BUB1: variants seen among roughly 807,000 people sequenced by gnomAD.
BUB1 encodes BUB1 mitotic checkpoint serine/threonine kinase.
Under a neutral mutation model 135.2 loss-of-function variants are expected in BUB1, and 84 were observed. That is an observed-to-expected ratio of 0.62 (90% CI 0.52 to 0.74). The LOEUF is 0.74. BUB1 is among the 30% of genes least tolerant of loss of function. The pLI, the probability that BUB1 is intolerant of heterozygous loss-of-function variation, is 0.00. For missense variants in BUB1, 1,162 were observed against 1,288.3 expected (o/e 0.90, Z 1.50); for synonymous variants, 403 against 434.4 (o/e 0.93, Z 0.90).
chr2:110,655,970 GA>G, intron 15 of BUB1, 54 bp from the exon 16 acceptor site: 1 of 1,524,716 alleles, frequency 6.6e-7, no homozygotes, highest in South Asian at 1.1e-5. Context: ...TTTAGTCCAT[GA>G]AACCTTATTC....
At chr2:110,658,217 T>C (rs527965328) in intron 13 of BUB1, among the ~76,000 whole-genome samples, 193 bp downstream of exon 13, 37 of 151,756 alleles carry the variant, frequency 2.4e-4, no homozygotes, top group South Asian at 1.3e-3. Flanking sequence ...TTTTTTTTTT[T>C]CCCTTTAATC....
In BUB1 at chr2:110,658,924, G is replaced by A. The variant is rs368913339; in HGVS notation, c.1277-182C>T. Reference sequence around the variant, plus strand: ...TTTATCTTTATAATAGTCCTATGAAGTAAATGAGGTGAAAATTATCCTTTT... The same window carrying A: ...TTTATCTTTATAATAGTCCTATGAAATAAATGAGGTGAAAATTATCCTTTT... On this transcript the variant is annotated intron_variant, in intron 11 of 24. Transcript: ENST00000302759. Among the ~76,000 whole-genome samples the A allele has an allele frequency of 3.9e-5, 6 of 152,284 alleles. No individual in the cohort carries two copies. In the East Asian group the frequency reaches 7.7e-4, roughly 20 times the overall value.
intron 1 of BUB1, among the ~76,000 whole-genome samples, chr2:110,675,871 G>C (rs1164723578): frequency 6.6e-6 from 1 of 152,090 alleles, no homozygotes; most frequent in African/African-American, 2.4e-5. Context: ...GGCTGGTCTT[G>C]AACTCCTGGC....
Position 110,667,792 on chromosome 2 carries a change from C to G in BUB1, c.620+5G>C. 1 of 1,613,094 alleles carries G rather than the reference C, an allele frequency of 6.2e-7. No homozygotes were observed. Among genetic ancestry groups the G allele is most frequent in the Non-Finnish European group, 8.5e-7 (1 of 1,179,608 alleles). ...ATAATAGATTAATGCACTGATTATA[C>G]TTGCATATTTGACTCTTTATCACAA... On this transcript the variant is annotated splice_donor_5th_base_variant and intron_variant, in intron 7 of 24. Transcript: ENST00000302759.
At chr2:110,673,314 C>T (rs1190128841) in intron 3 of BUB1, among the ~76,000 whole-genome samples, 2 of 152,138 alleles carry the variant, frequency 1.3e-5, no homozygotes, top group African/African-American at 4.8e-5. Flanking sequence ...GTAGGTGTTT[C>T]CTTGAGTTCT....
At chr2:110,654,239 C>A (rs910850153) in intron 16 of BUB1, among the ~76,000 whole-genome samples, 1 of 151,968 alleles carries the variant, frequency 6.6e-6, no homozygotes, top group Non-Finnish European at 1.5e-5. Flanking sequence ...GGGTTTTTCA[C>A]TTTAACATGT....
At chr2:110,673,415 A>G (rs1690476598) in intron 3 of BUB1, among the ~76,000 whole-genome samples, 1 of 152,230 alleles carries the variant, frequency 6.6e-6, no homozygotes, top group South Asian at 2.1e-4. Flanking sequence ...AAGCACAGGT[A>G]AAACAACCTG....
intron 23 of BUB1, 45 bp downstream of exon 23, chr2:110,640,989 G>T (rs751187708): frequency 6.7e-7 from 1 of 1,503,540 alleles, no homozygotes. Context: ...TCTGATAAGC[G>T]CAACACAGAA....
Position 110,650,493 on chromosome 2 carries a change from T to A in BUB1, c.2203+53A>T, listed in dbSNP as rs1689754573. 1.9e-6 allele frequency: 3 copies of A among 1,545,266 alleles called. No homozygotes were observed. The African/African-American group carries it at 4.1e-5, about 21-fold the overall frequency. ...GTGGGTTTCTTTCATGGGACAGCTTTCCCCATGCTCCTGTCCTGATTCAAG... is the reference window on the plus strand; with the variant it reads ...GTGGGTTTCTTTCATGGGACAGCTTACCCCATGCTCCTGTCCTGATTCAAG... On this transcript the variant is annotated intron_variant, in intron 18 of 24. Transcript: ENST00000302759.
At chr2:110,644,185 A>G (rs1240782730) in intron 19 of BUB1, among the ~76,000 whole-genome samples, 3 of 151,956 alleles carry the variant, frequency 2.0e-5, no homozygotes, top group Admixed American at 2.0e-4. Flanking sequence ...GGAGAAAGGA[A>G]CAGACAAAAA....
intron 1 of BUB1, among the ~76,000 whole-genome samples, chr2:110,676,058 C>A (rs1343015188): frequency 6.6e-6 from 1 of 151,696 alleles, no homozygotes; most frequent in East Asian, 1.9e-4. Flanking sequence ...ATAAAGACAA[C>A]TATATATAAA....
chr2:110,671,813 G>A (rs768090557), intron 4 of BUB1, among the ~76,000 whole-genome samples: 3 of 152,166 alleles, frequency 2.0e-5, no homozygotes, highest in South Asian at 4.1e-4. Context: ...AGAAAAAAGC[G>A]CCAAGGAAAA....
At position 110,652,018 on chromosome 2, in the gene BUB1, G is replaced by C. The variant is rs539462676; in HGVS notation, c.1965-1234C>G. On this transcript the variant is annotated intron_variant, in intron 17 of 24. Coordinates refer to ENST00000302759, the MANE Select transcript of BUB1 (RefSeq NM_004336.5). Reference sequence around the variant, plus strand: ...AAAGTATCCCAGTTGTTAAGCAACTGCATGACTGTACATGGAAGTATATGT... The same window carrying C: ...AAAGTATCCCAGTTGTTAAGCAACTCCATGACTGTACATGGAAGTATATGT... Among the ~76,000 whole-genome samples, 4 of 151,726 alleles carry C rather than the reference G, an allele frequency of 2.6e-5. No homozygotes were observed. In the East Asian group the frequency reaches 5.8e-4, roughly 22 times the overall value.
At chr2:110,662,954 AATC>A (rs1332659771) in intron 9 of BUB1, among the ~76,000 whole-genome samples, 1 of 152,242 alleles carries the variant, frequency 6.6e-6, no homozygotes, top group East Asian at 1.9e-4. Flanking sequence ...AAAGATTAAA[AATC>A]ATCATAATAT....
chr2:110,661,587 A>G lies in BUB1; in HGVS notation c.1212T>C (p.Asp404=). 6.2e-7 allele frequency: 1 copy of G among 1,613,962 alleles called. No individual in the cohort carries two copies. Among genetic ancestry groups the G allele is most frequent in the African/African-American group, 1.3e-5 (1 of 75,064 alleles). ...TDSMFAVASK[D]AGCVNKSTHE... ...TAGGACTACCTTCAGCTTACCCAGCATCTTTGCTGGCCACTGCAAACATGG... is the reference window on the plus strand; with the variant it reads ...TAGGACTACCTTCAGCTTACCCAGCGTCTTTGCTGGCCACTGCAAACATGG... Residue 404 remains aspartate, a synonymous_variant, in exon 10 of 25, where the codon GAT becomes GAC. Coordinates refer to ENST00000302759, the MANE Select transcript of BUB1 (RefSeq NM_004336.5).
intron 10 of BUB1, 130 bp from the exon 11 acceptor site, chr2:110,660,166 G>A: frequency 1.6e-6 from 1 of 632,828 alleles, no homozygotes; most frequent in Non-Finnish European, 2.7e-6. Flanking sequence ...GAGGTCAGAA[G>A]TTCGAGACCA....
At chr2:110,657,199 CTACT>C (rs1689956402) in intron 14 of BUB1, 82 bp from the exon 15 acceptor site, 1 of 1,164,872 alleles carries the variant, frequency 8.6e-7, no homozygotes, top group South Asian at 1.5e-5. Flanking sequence ...GAAAAGTTCT[CTACT>C]TATCCTATTT....
chr2:110,638,013 C>G lies in BUB1; in HGVS notation c.3209G>C (p.Arg1070Pro). The G allele has an allele frequency of 6.3e-7, 1 of 1,594,118 alleles. No individual in the cohort carries two copies. The highest frequency in any genetic ancestry group is 8.5e-7 in the Non-Finnish European group (1 of 1,171,246). The change falls in exon 25 of 25, where the codon CGT (arginine) becomes CCT (proline). Residue 1070 changes from arginine (R) to proline (P), a missense_variant. Physicochemically the swap from Arg to Pro is moderately radical, Grantham distance 103 (BLOSUM62 -2). Coordinates refer to ENST00000302759, the MANE Select transcript of BUB1 (RefSeq NM_004336.5). Reference sequence around the variant, plus strand: ...TAAGAGCAGTACAATTAGCCTATTACGTAGGGCCCTAATCTTGTTAGTATA... The same window carrying G: ...TAAGAGCAGTACAATTAGCCTATTAGGTAGGGCCCTAATCTTGTTAGTATA... ...QHYTNKIRALRNRLIVLLLEC... is the reference protein window; with the variant it reads ...QHYTNKIRALPNRLIVLLLEC...
In BUB1 at chr2:110,677,973, A is replaced by AG; in HGVS notation, c.22dup (p.Leu8ProfsTer5). 1 of 1,609,668 alleles carries AG rather than the reference A, an allele frequency of 6.2e-7. No homozygotes were observed. The highest frequency in any genetic ancestry group is 2.2e-5 in the East Asian group (1 of 44,736). ...ACCCCACCAGACGGACACTTACTGA[A>AG]GGACATTTTCCGGGGTGTCCATGGC... On this transcript the variant is annotated frameshift_variant, in exon 1 of 25. Transcript: ENST00000302759. LOFTEE classifies it high-confidence loss of function.
Sources: allele counts gnomAD v4.1 joint callset (sites outside exome capture counted in the v4.1 genomes callset), GRCh38; gene constraint gnomAD v4.1.1; transcripts MANE v1.5; gene names NCBI Gene and HGNC (gene_info 2026-07-23, HGNC 2026-07-21).